GPT: variants seen among roughly 807,000 people sequenced by gnomAD.
GPT encodes the protein alanine aminotransferase 1.
In GPT, 60 loss-of-function variants were observed where a neutral mutation model predicts 51.4. That is an observed-to-expected ratio of 1.17 (90% confidence interval 0.95 to 1.45). GPT has a LOEUF of 1.45. Among genes scored for constraint, GPT ranks in the 40% most tolerant of loss-of-function variants. The pLI, the probability that GPT is intolerant of heterozygous loss-of-function variation, is 0.00. For missense variants in GPT, 853 were observed against 704.0 expected, an observed-to-expected ratio of 1.21 and a Z score of -2.40; for synonymous variants, 397 against 303.1, an observed-to-expected ratio of 1.31 and a Z score of -3.22.
rs1419853335 is a variant in GPT, at chr8:144,505,242, G to A, written c.496-4G>A. On this transcript the variant is annotated splice_polypyrimidine_tract_variant and splice_region_variant and intron_variant, in intron 4 of 10. Transcript: ENST00000394955. The stretch of plus-strand genomic sequence containing the variant: ...CAACCCTGCCTTCCCCTTCCTTTCC[G>A]CAGACGGTGCTGAAGCTGCTGGTGG... The A allele has an allele frequency of 6.2e-6, 10 of 1,607,490 alleles. No individual in the cohort carries two copies. The highest frequency in any genetic ancestry group is 7.6e-6 in the Non-Finnish European group (9 of 1,177,620).
rs759462401 is a variant in GPT, at chr8:144,504,586, GCTCCC to G, written c.163-7_163-3del. 1.2e-6 allele frequency: 2 copies of G among 1,611,004 alleles called. No individual in the cohort carries two copies. The highest frequency in any genetic ancestry group is 8.5e-7 in the Non-Finnish European group (1 of 1,178,300). ...TAGGTAGGGCACAGTCTCCCTGCCT[GCTCCC>G]CTCCCCTCCCAGGGTGTGAAGAAGC... On this transcript the variant is annotated splice_polypyrimidine_tract_variant and intron_variant, in intron 1 of 10. Transcript: ENST00000394955.
Position 144,506,340 on chromosome 8 carries a change from G to C in GPT, c.1065G>C (p.Gln355His). The stretch of plus-strand genomic sequence containing the variant: ...GGCTGTGCCCGCCGGTGCCAGGACA[G>C]GCCCTGCTGGACCTGGTGGTCAGCC... ...SVRLCPPVPG[Q>H]ALLDLVVSPP... The change falls in exon 8 of 11, where the codon CAG (glutamine) becomes CAC (histidine). Residue 355 changes from glutamine (Q) to histidine (H), a missense_variant. Gln to His is a conservative substitution (Grantham distance 24, BLOSUM62 0). Coordinates refer to ENST00000394955, the MANE Select transcript of GPT (RefSeq NM_005309.3). The surrounding 1 kb of genome is among the most constrained non-coding windows in gnomAD (Gnocchi z 7.0). 6.3e-7 allele frequency: 1 copy of C among 1,579,124 alleles called. No homozygotes were observed. Among genetic ancestry groups the C allele is most frequent in the Non-Finnish European group, 8.6e-7 (1 of 1,166,488 alleles).
In GPT at chr8:144,506,855, C is replaced by T. The variant is rs376189057; in HGVS notation, c.1400+12C>T. The T allele has an allele frequency of 2.4e-4, 383 of 1,611,022 alleles. No individual in the cohort carries two copies. Among genetic ancestry groups the T allele is most frequent in the Non-Finnish European group, 3.1e-4 (371 of 1,178,404 alleles). On this transcript the variant is annotated intron_variant, in intron 10 of 10. Transcript: ENST00000394955. This position sits in a 1 kb window ranked among gnomAD's most constrained non-coding sequence, Gnocchi z 7.0. ...ACCTACCACTTCCGGTGAGGCCTGG[C>T]CCTCACTCCCTGTCCCGCCACCCTG...
rs759582881 is a variant in GPT at position 144,506,942 on chromosome 8, GGCTGCTGCTGGAGAA to G, written c.1438_1452del (p.Leu480_Leu484del). On this transcript the variant is annotated inframe_deletion, in exon 11 of 11. Transcript: ENST00000394955. The surrounding 1 kb of genome is among the most constrained non-coding windows in gnomAD (Gnocchi z 7.0). Reference sequence around the variant, plus strand: ...ATTCTGCCCCCCTTGGAGAAACTGCGGCTGCTGCTGGAGAAGCTGAGCAGGTTCCATGCCAAGTTC... The same window carrying G: ...ATTCTGCCCCCCTTGGAGAAACTGCGGCTGAGCAGGTTCCATGCCAAGTTC... The G allele has an allele frequency of 3.7e-6, 6 of 1,612,836 alleles. No homozygotes were observed. Among genetic ancestry groups the G allele is most frequent in the Non-Finnish European group, 4.2e-6 (5 of 1,179,946 alleles).
chr8:144,504,098 G>A (rs956995837), upstream of GPT: 63 of 628,274 alleles, frequency 1.0e-4, no homozygotes, highest in Non-Finnish European at 1.5e-4. Flanking sequence ...GTGGGGCGGG[G>A]CCCAACTGTC....
Position 144,506,311 on chromosome 8 carries a change from G to A in GPT, c.1036G>A (p.Val346Met). 1.9e-6 allele frequency: 3 copies of A among 1,570,692 alleles called. No homozygotes were observed. Among genetic ancestry groups the A allele is most frequent in the Non-Finnish European group, 1.7e-6 (2 of 1,160,836 alleles). Residue 346 changes from valine to methionine, a missense_variant, in exon 8 of 11, where the codon GTG becomes ATG. Val to Met is a conservative substitution (Grantham distance 21, BLOSUM62 1). Transcript: ENST00000394955. This position sits in a 1 kb window ranked among gnomAD's most constrained non-coding sequence, Gnocchi z 7.0. The part of the protein sequence containing the change: ...VQQQMLKLMS[V>M]RLCPPVPGQA... Reference sequence around the variant, plus strand: ...GCAGCAGATGCTGAAGCTGATGAGTGTGCGGCTGTGCCCGCCGGTGCCAGG... The same window carrying A: ...GCAGCAGATGCTGAAGCTGATGAGTATGCGGCTGTGCCCGCCGGTGCCAGG...
At position 144,506,612 on chromosome 8, in the gene GPT, T is replaced by C. The variant is rs1826822716; in HGVS notation, c.1243T>C (p.Phe415Leu). 6.4e-6 allele frequency: 10 copies of C among 1,560,600 alleles called. No homozygotes were observed. The highest frequency in any genetic ancestry group is 2.7e-5 in the African/African-American group (2 of 73,936). The change falls in exon 9 of 11, where the codon TTC becomes CTC. Residue 415 changes from phenylalanine (F) to leucine (L), a missense_variant. Coordinates refer to ENST00000394955, the MANE Select transcript of GPT (RefSeq NM_005309.3). The surrounding 1 kb of genome is among the most constrained non-coding windows in gnomAD (Gnocchi z 7.0). ...CCCAGTGCAGGGCGCCATGTACTCC[T>C]TCCCGCGCGTGCAGCTGCCCCCGCG... ...CNPVQGAMYS[F>L]PRVQLPPRAV...
At position 144,506,529 on chromosome 8, in the gene GPT, C is replaced by T. The variant is rs1182603278; in HGVS notation, c.1160C>T (p.Ala387Val). The T allele has an allele frequency of 5.0e-6, 8 of 1,596,318 alleles. No homozygotes were observed. Among genetic ancestry groups the T allele is most frequent in the South Asian group, 3.4e-5 (3 of 87,992 alleles). ...AEKQAVLAELAAKAKLTEQVF... is the reference protein window; with the variant it reads ...AEKQAVLAELVAKAKLTEQVF... ...AAGCAGGCAGTGCTGGCAGAGCTGG[C>T]GGCCAAGGCCAAGCTCACCGAGCAG... Residue 387 changes from alanine to valine, a missense_variant, in exon 9 of 11, where the codon GCG becomes GTG. Coordinates refer to ENST00000394955, the MANE Select transcript of GPT (RefSeq NM_005309.3). The surrounding 1 kb of genome is among the most constrained non-coding windows in gnomAD (Gnocchi z 7.0).
chr8:144,506,139 C>A lies in GPT; in HGVS notation c.956+8C>A, dbSNP rs759947263. 1.9e-6 allele frequency: 3 copies of A among 1,610,164 alleles called. No individual in the cohort carries two copies. In the South Asian group the frequency reaches 3.3e-5, roughly 18 times the overall value. ...CAAGGGCTACATGGGCGAGTGCGTGCGTACGAGGCGGGTGGGGGCTCGCGG... is the reference window on the plus strand; with the variant it reads ...CAAGGGCTACATGGGCGAGTGCGTGAGTACGAGGCGGGTGGGGGCTCGCGG... On this transcript the variant is annotated splice_region_variant and intron_variant, in intron 7 of 10. Transcript: ENST00000394955. The surrounding 1 kb of genome is among the most constrained non-coding windows in gnomAD (Gnocchi z 7.0).
rs746987943 is a variant in GPT, at chr8:144,505,310, C to T, written c.560C>T (p.Pro187Leu). 25 of 1,570,726 alleles carry T rather than the reference C, an allele frequency of 1.6e-5. No homozygotes were observed. In the East Asian group the frequency reaches 5.7e-4, roughly 36 times the overall value. ...HTRTGVLIPI[P>L]QYPLYSATLA... ...CGCACGGGTGTGCTCATCCCCATCC[C>T]CCAGTACCCACTCTACTCGGCCACG... is the stretch of plus-strand genomic sequence containing the variant. The change falls in exon 5 of 11, where the codon CCC (proline) becomes CTC (leucine). Residue 187 changes from proline to leucine, a missense_variant. By Grantham distance (98) the Pro-to-Leu change is moderately conservative (BLOSUM62 -3). Transcript: ENST00000394955.
At chr8:144,505,585 G>A in intron 5 of GPT, 96 bp downstream of exon 5, 3 of 396,838 alleles carry the variant, frequency 7.6e-6, no homozygotes, top group Non-Finnish European at 7.8e-6. Flanking sequence ...TGCGTTCCCC[G>A]CCGCCCCGCC....
At position 144,506,321 on chromosome 8, in the gene GPT, G is replaced by A. The variant is rs758341140; in HGVS notation, c.1046G>A (p.Cys349Tyr). Residue 349 changes from cysteine to tyrosine, a missense_variant, in exon 8 of 11, where the codon TGC becomes TAC. Coordinates refer to ENST00000394955, the MANE Select transcript of GPT (RefSeq NM_005309.3). The surrounding 1 kb of genome is among the most constrained non-coding windows in gnomAD (Gnocchi z 7.0). ...CTGAAGCTGATGAGTGTGCGGCTGTGCCCGCCGGTGCCAGGACAGGCCCTG... is the reference window on the plus strand; with the variant it reads ...CTGAAGCTGATGAGTGTGCGGCTGTACCCGCCGGTGCCAGGACAGGCCCTG... ...QMLKLMSVRL[C>Y]PPVPGQALLD... is the part of the protein sequence containing the mutation. 16 of 1,558,860 alleles carry A rather than the reference G, an allele frequency of 1.0e-5. No individual in the cohort carries two copies. The South Asian group carries it at 1.8e-4, about 18-fold the overall frequency.
Position 144,506,176 on chromosome 8 carries a change from GCCCTCCTCGCCCGATGGGCCACC to G in GPT, c.957-47_957-25del, listed in dbSNP as rs1254167777. 5.6e-6 allele frequency: 9 copies of G among 1,601,728 alleles called. No individual in the cohort carries two copies. Among genetic ancestry groups the G allele is most frequent in the Non-Finnish European group, 7.7e-6 (9 of 1,175,138 alleles). ...GTGGGGGCTCGCGGGCCATGGCCAG[GCCCTCCTCGCCCGATGGGCCACC>G]CCCTCCTCCGCACCTGACCTGGCCG... is the stretch of plus-strand genomic sequence containing the variant. On this transcript the variant is annotated intron_variant, in intron 7 of 10. Transcript: ENST00000394955. The surrounding 1 kb of genome is among the most constrained non-coding windows in gnomAD (Gnocchi z 7.0).
rs374307577 is a variant in GPT, at chr8:144,505,247, C to T, written c.497C>T (p.Thr166Met). 5.9e-5 allele frequency: 94 copies of T among 1,606,690 alleles called. No individual in the cohort carries two copies. The highest frequency in any genetic ancestry group is 1.9e-4 in the African/African-American group (14 of 74,856). ...LSTGASDAIV[T>M]VLKLLVAGEG... is the part of the protein sequence containing the mutation. ...CTGCCTTCCCCTTCCTTTCCGCAGA[C>T]GGTGCTGAAGCTGCTGGTGGCCGGC... is the stretch of plus-strand genomic sequence containing the variant. Residue 166 changes from threonine to methionine, a missense_variant and splice_region_variant, in exon 5 of 11, where the codon ACG (threonine) becomes ATG (methionine). Physicochemically the swap from Thr to Met is moderately conservative, Grantham distance 81 (BLOSUM62 -1). Transcript: ENST00000394955.
At position 144,504,796 on chromosome 8, in the gene GPT, A is replaced by T; in HGVS notation, c.278A>T (p.Asp93Val). Reference sequence around the variant, plus strand: ...GTCTTGGCCCTCTGTGTTAACCCTGATCTTCTGAGCAGCCCCAACTTCCCT... The same window carrying T: ...GTCTTGGCCCTCTGTGTTAACCCTGTTCTTCTGAGCAGCCCCAACTTCCCT... The part of the protein sequence containing the change: ...RQVLALCVNP[D>V]LLSSPNFPDD... The change falls in exon 3 of 11, where the codon GAT (aspartate) becomes GTT (valine). Residue 93 changes from aspartate (D) to valine (V), a missense_variant. Transcript: ENST00000394955. 6.2e-7 allele frequency: 1 copy of T among 1,613,470 alleles called. No homozygotes were observed. Among genetic ancestry groups the T allele is most frequent in the Admixed American group, 1.7e-5 (1 of 60,020 alleles).
Position 144,506,204 on chromosome 8 carries a change from C to T in GPT, c.957-28C>T, listed in dbSNP as rs764498697. Reference sequence around the variant, plus strand: ...CTCCTCGCCCGATGGGCCACCCCCTCCTCCGCACCTGACCTGGCCGTGCGC... The same window carrying T: ...CTCCTCGCCCGATGGGCCACCCCCTTCTCCGCACCTGACCTGGCCGTGCGC... On this transcript the variant is annotated intron_variant, in intron 7 of 10. Coordinates refer to ENST00000394955, the MANE Select transcript of GPT (RefSeq NM_005309.3). The surrounding 1 kb of genome is among the most constrained non-coding windows in gnomAD (Gnocchi z 7.0). 17 of 1,602,698 alleles carry T rather than the reference C, an allele frequency of 1.1e-5. No individual in the cohort carries two copies. The highest frequency in any genetic ancestry group is 1.7e-5 in the Admixed American group (1 of 58,874).
chr8:144,505,642 T>C (rs566366974), intron 5 of GPT, among the ~76,000 whole-genome samples, 153 bp downstream of exon 5: 2 of 32,328 alleles, frequency 6.2e-5, no homozygotes, highest in Non-Finnish European at 1.2e-4. Context: ...CCCGCCCCAC[T>C]CCCCCCGCGC....
In GPT at chr8:144,505,490, G is replaced by A; in HGVS notation, c.739+1G>A. On this transcript the variant is annotated splice_donor_variant, in intron 5 of 10. Coordinates refer to ENST00000394955, the MANE Select transcript of GPT (RefSeq NM_005309.3). LOFTEE classifies it high-confidence loss of function. ...GTCATCAACCCTGGCAACCCCACCG[G>A]TGCGTTCCCCGCCGCCCCGCCCCAC... is the stretch of plus-strand genomic sequence containing the variant. The A allele has an allele frequency of 1.9e-6, 3 of 1,567,594 alleles. No individual in the cohort carries two copies. Among genetic ancestry groups the A allele is most frequent in the Non-Finnish European group, 2.6e-6 (3 of 1,159,486 alleles).
Position 144,504,567 on chromosome 8 carries a change from G to A in GPT, c.163-37G>A, listed in dbSNP as rs761546067. On this transcript the variant is annotated intron_variant, in intron 1 of 10. Coordinates refer to ENST00000394955, the MANE Select transcript of GPT (RefSeq NM_005309.3). ...GGGACAAGGGCTGAGGGGTTAGGTA[G>A]GGCACAGTCTCCCTGCCTGCTCCCC... The A allele has an allele frequency of 1.9e-6, 3 of 1,610,040 alleles. No homozygotes were observed. The East Asian group carries it at 6.7e-5, about 36-fold the overall frequency.
Sources: allele counts gnomAD v4.1 joint callset (sites outside exome capture counted in the v4.1 genomes callset), GRCh38; gene constraint gnomAD v4.1.1; non-coding constraint Gnocchi (gnomAD v3.1); transcripts MANE v1.5; gene names NCBI Gene and HGNC (gene_info 2026-07-23, HGNC 2026-07-21).